Variants in UBE2Q2 observed in about 807,000 individuals in gnomAD.
UBE2Q2 encodes the protein ubiquitin-conjugating enzyme E2 Q2.
A neutral mutation model predicts 59.9 loss-of-function variants in UBE2Q2; 54 were observed. The observed-to-expected ratio is 0.90, with a 90% CI of 0.72 to 1.13. The LOEUF is 1.13. Ranked by LOEUF, UBE2Q2 falls within the 50% of genes most tolerant of loss-of-function variation. The pLI is 0.00. For missense variants in UBE2Q2, 433 were observed against 441.9 expected (o/e 0.98, Z 0.18); for synonymous variants, 165 against 155.2 (o/e 1.06, Z -0.47).
intron 3 of UBE2Q2, among the ~76,000 whole-genome samples, chr15:75,866,002 C>A (rs1897453472): frequency 6.6e-6 from 1 of 152,074 alleles, no homozygotes. Context: ...ATTCTAAGTT[C>A]ATAATTGAGT....
chr15:75,869,383 A>G (rs1897666560), intron 4 of UBE2Q2, among the ~76,000 whole-genome samples: 2 of 152,254 alleles, frequency 1.3e-5, no homozygotes, highest in South Asian at 4.1e-4. Context: ...TTTAGGGACT[A>G]CTCGCCAGAA....
chr15:75,866,153 T>C (rs187654753), intron 3 of UBE2Q2, among the ~76,000 whole-genome samples: 51 of 152,198 alleles, frequency 3.4e-4, no homozygotes, highest in Non-Finnish European at 6.5e-4. Context: ...AACTGTAAAG[T>C]GTGGGGGTTT....
At chr15:75,854,129 C>G (rs906443396) in intron 1 of UBE2Q2, among the ~76,000 whole-genome samples, 1 of 152,068 alleles carries the variant, frequency 6.6e-6, no homozygotes, top group African/African-American at 2.4e-5. Flanking sequence ...TGATGGTGAT[C>G]GGGGCCATTT....
intron 1 of UBE2Q2, 121 bp from the exon 2 acceptor site, chr15:75,854,265 C>CT (rs1464383308): frequency 4.6e-6 from 3 of 649,958 alleles, no homozygotes; most frequent in Non-Finnish European, 7.5e-6. Context: ...AATATGTTGC[C>CT]TTTTCCCCCC....
intron 12 of UBE2Q2, among the ~76,000 whole-genome samples, chr15:75,897,602 T>C (rs1899505389): frequency 6.6e-6 from 1 of 151,950 alleles, no homozygotes; most frequent in Admixed American, 6.6e-5. Context: ...AGATTTCTTT[T>C]TTTTTTTTTT....
At chr15:75,861,278 T>G (rs1897196361) in intron 3 of UBE2Q2, among the ~76,000 whole-genome samples, 1 of 152,252 alleles carries the variant, frequency 6.6e-6, no homozygotes, top group Admixed American at 6.5e-5. Flanking sequence ...AAGATAATTT[T>G]ACCTTAGAAT....
At chr15:75,859,721 A>C (rs1334697665) in intron 2 of UBE2Q2, among the ~76,000 whole-genome samples, 157 bp from the exon 3 acceptor site, 1 of 152,178 alleles carries the variant, frequency 6.6e-6, no homozygotes. Context: ...AGGGTCCTGA[A>C]AATATTTTAA....
At chr15:75,844,596 C>G in intron 1 of UBE2Q2, 1 of 1,233,372 alleles carries the variant, frequency 8.1e-7, no homozygotes, top group Admixed American at 2.7e-5. Context: ...TCACGTATGT[C>G]ACAAAGCCGA....
intron 2 of UBE2Q2, among the ~76,000 whole-genome samples, chr15:75,854,876 A>G (rs1465093559): frequency 2.0e-5 from 3 of 152,332 alleles, no homozygotes; most frequent in Admixed American, 2.0e-4. Flanking sequence ...AAGGGTCTGT[A>G]AGTCTGCAGT....
intron 3 of UBE2Q2, among the ~76,000 whole-genome samples, chr15:75,864,884 T>G (rs1393087632): frequency 6.6e-6 from 1 of 152,272 alleles, no homozygotes; most frequent in African/African-American, 2.4e-5. Flanking sequence ...AATTGCTTTT[T>G]AAACAAACAT....
At chr15:75,862,936 T>C (rs1241539823) in intron 3 of UBE2Q2, among the ~76,000 whole-genome samples, 2 of 151,702 alleles carry the variant, frequency 1.3e-5, no homozygotes, top group African/African-American at 4.8e-5. Flanking sequence ...TACCCCTCTA[T>C]CTTATCTCCT....
chr15:75,844,210 G>GGCGCA (rs1321851698), intron 1 of UBE2Q2: 7 of 1,463,054 alleles, frequency 4.8e-6, no homozygotes, highest in African/African-American at 2.8e-5. Flanking sequence ...GGGGCGGGGC[G>GGCGCA]GCGCAGCTCC....
At position 75,873,553 on chromosome 15, in the gene UBE2Q2, G is replaced by A; in HGVS notation, c.573G>A (p.Arg191=). 1 of 1,612,692 alleles carries A rather than the reference G, an allele frequency of 6.2e-7. No individual in the cohort carries two copies. Among genetic ancestry groups the A allele is most frequent in the Non-Finnish European group, 8.5e-7 (1 of 1,179,588 alleles). The change falls in exon 5 of 13, where the codon AGG becomes AGA. Residue 191 remains arginine (R), a synonymous_variant. Transcript: ENST00000267938. ...AILEKIRKTQ[R]QDHLNGAVSG... is the part of the protein sequence containing the mutation. Reference sequence around the variant, plus strand: ...TAGAGAAAATTAGGAAGACTCAAAGGCAAGACCATTTAAATGTAAGTGTGT... The same window carrying A: ...TAGAGAAAATTAGGAAGACTCAAAGACAAGACCATTTAAATGTAAGTGTGT...
intron 1 of UBE2Q2, 35 bp downstream of exon 1, chr15:75,843,881 C>G (rs1208836249): frequency 6.6e-7 from 1 of 1,521,526 alleles, no homozygotes; most frequent in Admixed American, 2.0e-5. Flanking sequence ...CGGGGCAGGG[C>G]GAGGACGGAG....
In UBE2Q2 at chr15:75,843,592, C is replaced by G. The variant is rs962066050; in HGVS notation, c.-75C>G. On this transcript the variant is annotated 5_prime_UTR_variant, in exon 1 of 13. Transcript: ENST00000267938. ...CCCCGCGGGGCGGTCGCGGCCGTGA[C>G]GGCGGCTCCGGGCCCGGCTCCCCTT... 12 of 1,342,646 alleles carry G rather than the reference C, an allele frequency of 8.9e-6. No homozygotes were observed. Among genetic ancestry groups the G allele is most frequent in the African/African-American group, 1.6e-5 (1 of 64,166 alleles). The allele number at this position is 1,342,646 out of a possible 1,614,324, so 83.2% of individuals were successfully genotyped here.
At chr15:75,868,216 A>G (rs759589989) in intron 3 of UBE2Q2, among the ~76,000 whole-genome samples, 27 of 152,134 alleles carry the variant, frequency 1.8e-4, no homozygotes, top group Non-Finnish European at 3.5e-4. Flanking sequence ...TCTAACCTGA[A>G]CTGGCCTTCA....
At chr15:75,844,475 C>T (rs376414279) in intron 1 of UBE2Q2, 75 of 1,551,358 alleles carry the variant, frequency 4.8e-5, no homozygotes, top group Middle Eastern at 1.7e-4. Flanking sequence ...ATAGTACCGT[C>T]GTTGCGGCAG....
chr15:75,858,662 C>A (rs549701835), intron 2 of UBE2Q2, among the ~76,000 whole-genome samples: 31 of 152,236 alleles, frequency 2.0e-4, no homozygotes, highest in Admixed American at 9.2e-4. Context: ...GGTATGACTC[C>A]ACTACCCTGC....
At chr15:75,862,379 C>CT (rs1458834777) in intron 3 of UBE2Q2, among the ~76,000 whole-genome samples, 2 of 147,054 alleles carry the variant, frequency 1.4e-5, no homozygotes, top group Non-Finnish European at 3.0e-5. Flanking sequence ...CCTAGCATCT[C>CT]TTTTTTCTTT....
Sources: allele counts gnomAD v4.1 joint callset (sites outside exome capture counted in the v4.1 genomes callset), GRCh38; gene constraint gnomAD v4.1.1; transcripts MANE v1.5; gene names NCBI Gene and HGNC (gene_info 2026-07-23, HGNC 2026-07-21).